The following OR51G2 variants were observed in gnomAD, a reference collection of about 807,000 sequenced individuals.
OR51G2 encodes olfactory receptor family 51 subfamily G member 2.
In OR51G2, 13 loss-of-function variants were observed where a neutral mutation model predicts 11.8. The observed-to-expected ratio is 1.10, with a 90% CI of 0.72 to 1.76. The LOEUF (loss-of-function observed/expected upper bound fraction) is 1.76, where lower values mean the gene tolerates loss of function less well. Among genes scored for constraint, OR51G2 ranks in the 40% most tolerant of loss-of-function variants. The probability of loss-of-function intolerance (pLI) is 0.00; values close to 1 mark genes in which losing one functional copy is unlikely to be tolerated. For synonymous variants in OR51G2, 178 were observed against 151.9 expected, an observed-to-expected ratio of 1.17 and a Z score of -1.26; for missense variants, 474 against 394.4, an observed-to-expected ratio of 1.20 and a Z score of -1.71.
Position 4,915,267 on chromosome 11 carries a change from G to A in OR51G2, c.397C>T (p.His133Tyr). The A allele has an allele frequency of 6.2e-7, 1 of 1,613,964 alleles. No individual in the cohort carries two copies. ...MAFDRFVAIC[H>Y]PLHYVSILTN... is the part of the protein sequence containing the mutation. ...AGAATGGAAACATAGTGCAAGGGGT[G>A]GCAGATAGCCACAAAGCGGTCAAAG... Residue 133 changes from histidine (H) to tyrosine (Y), a missense_variant, in exon 2 of 2, where the codon CAC (histidine) becomes TAC (tyrosine). Coordinates refer to ENST00000641926, the MANE Select transcript of OR51G2 (RefSeq NM_001005238.2).
rs143406644 is a variant in OR51G2 at position 4,915,492 on chromosome 11, G to A, written c.172C>T (p.Arg58Cys). ...CTILFIIKTE[R>C]SLHEPMYLFL... is the part of the protein sequence containing the mutation. ...AGATACATAGGTTCATGAAGTGAGC[G>A]CTCTGTTTTAATGATAAAAAGAATT... Residue 58 changes from arginine (R) to cysteine (C), a missense_variant, in exon 2 of 2, where the codon CGC (arginine) becomes TGC (cysteine). Transcript: ENST00000641926. 61 of 1,614,004 alleles carry A rather than the reference G, an allele frequency of 3.8e-5. 1 individual carries two copies. Among genetic ancestry groups the A allele is most frequent in the African/African-American group, 9.3e-5 (7 of 74,918 alleles).
Position 4,915,426 on chromosome 11 carries a change from G to C in OR51G2, c.238C>G (p.Leu80Val). 1.2e-6 allele frequency: 2 copies of C among 1,614,066 alleles called. No homozygotes were observed. Among genetic ancestry groups the C allele is most frequent in the Non-Finnish European group, 1.7e-6 (2 of 1,180,000 alleles). Reference protein sequence around the residue: ...MLALIDLGLSLCTLPTVLGIF... With the variant: ...MLALIDLGLSVCTLPTVLGIF... ...CCCAGGACTGTAGGGAGAGTGCAAA[G>C]GGAGAGACCCAGGTCAATCAGAGCC... The change falls in exon 2 of 2, where the codon CTT becomes GTT. Residue 80 changes from leucine (L) to valine (V), a missense_variant. Leu to Val is a conservative substitution (Grantham distance 32, BLOSUM62 1). Coordinates refer to ENST00000641926, the MANE Select transcript of OR51G2 (RefSeq NM_001005238.2).
In OR51G2 at chr11:4,915,378, C is replaced by T. The variant is rs12419598; in HGVS notation, c.286G>A (p.Glu96Lys). Reference sequence around the variant, plus strand: ...GCAAAGCAGGCATCATGGCTAATTTCTCGTGCTCCAACCCAAAAGATGCCC... The same window carrying T: ...GCAAAGCAGGCATCATGGCTAATTTTTCGTGCTCCAACCCAAAAGATGCCC... ...VLGIFWVGAR[E>K]ISHDACFAQL... is the part of the protein sequence containing the mutation. Residue 96 changes from glutamate (E) to lysine (K), a missense_variant, in exon 2 of 2, where the codon GAA becomes AAA. By Grantham distance (56) the Glu-to-Lys change is moderately conservative. Transcript: ENST00000641926. 5 of 1,613,788 alleles carry T rather than the reference C, an allele frequency of 3.1e-6. No individual in the cohort carries two copies. The East Asian group carries it at 1.1e-4, about 36-fold the overall frequency.
In OR51G2 at chr11:4,914,380, C is replaced by A; in HGVS notation, c.*339G>T. 2 of 204,730 alleles carry A rather than the reference C, an allele frequency of 9.8e-6. No individual in the cohort carries two copies. The highest frequency in any genetic ancestry group is 9.9e-6 in the Non-Finnish European group (1 of 100,806). 12.7% of individuals were successfully genotyped at this position (204,730 alleles called of 1,614,324 possible). A position where few individuals can be genotyped will look rare whatever the true frequency, so the allele number is the denominator to read the frequency against. Reference sequence around the variant, plus strand: ...AGATACATGGGCTATTTCCACAATACTCAATTCATGAGGCATTTACAAATT... The same window carrying A: ...AGATACATGGGCTATTTCCACAATAATCAATTCATGAGGCATTTACAAATT... On this transcript the variant is annotated 3_prime_UTR_variant, in exon 2 of 2. Coordinates refer to ENST00000641926, the MANE Select transcript of OR51G2 (RefSeq NM_001005238.2).
chr11:4,918,800 C>T (rs1382201888), intron 1 of OR51G2, among the ~76,000 whole-genome samples: 1 of 152,182 alleles, frequency 6.6e-6, no homozygotes. Context: ...TAATAGACCA[C>T]ACTTTGTGAT....
At position 4,914,823 on chromosome 11, in the gene OR51G2, T is replaced by C; in HGVS notation, c.841A>G (p.Met281Val). 3 of 1,613,866 alleles carry C rather than the reference T, an allele frequency of 1.9e-6. No individual in the cohort carries two copies. The highest frequency in any genetic ancestry group is 2.5e-6 in the Non-Finnish European group (3 of 1,179,916). ...GGAAAGAGAAGATACATGAAACCCA[T>C]GACCACCTGGACCAGGTGGGGTGCC... ...KQAPHLVQVV[M>V]GFMYLLFPPV... is the part of the protein sequence containing the mutation. The change falls in exon 2 of 2, where the codon ATG becomes GTG. Residue 281 changes from methionine to valine, a missense_variant. Physicochemically the swap from Met to Val is conservative, Grantham distance 21. Transcript: ENST00000641926.
intron 1 of OR51G2, among the ~76,000 whole-genome samples, chr11:4,917,584 C>A (rs1255082400): frequency 6.6e-6 from 1 of 152,172 alleles, no homozygotes; most frequent in East Asian, 1.9e-4. Flanking sequence ...CACTGTCCAC[C>A]TGAAGATCAT....
chr11:4,912,627 T>A lies in OR51G2; in HGVS notation c.*2092A>T, dbSNP rs539434925. 6.6e-6 allele frequency: 1 copy of A among 152,052 alleles called. No homozygotes were observed. The highest frequency in any genetic ancestry group is 1.5e-5 in the Non-Finnish European group (1 of 68,020). 9.4% of individuals were successfully genotyped at this position (152,052 alleles called of 1,614,324 possible). ...AATACACACAATTCACATATACACA[T>A]TGTAAAAATAAGAAATTCATAATGA... On this transcript the variant is annotated 3_prime_UTR_variant, in exon 2 of 2. Transcript: ENST00000641926.
Position 4,914,657 on chromosome 11 carries a change from TTA to T in OR51G2, c.*60_*61del, listed in dbSNP as rs1418083145. 1.2e-5 allele frequency: 13 copies of T among 1,106,872 alleles called. No individual in the cohort carries two copies. The highest frequency in any genetic ancestry group is 1.7e-5 in the Non-Finnish European group (13 of 762,616). 68.6% of individuals were successfully genotyped at this position (1,106,872 alleles called of 1,614,324 possible). A position where few individuals can be genotyped will look rare whatever the true frequency, so the allele number is the denominator to read the frequency against. ...TCCTTTATTTTATGCATGTTAGAAA[TTA>T]TAAAGGATAGGCAAACAAGGGCACG... On this transcript the variant is annotated 3_prime_UTR_variant, in exon 2 of 2. Coordinates refer to ENST00000641926, the MANE Select transcript of OR51G2 (RefSeq NM_001005238.2).
In OR51G2 at chr11:4,915,689, G is replaced by A; in HGVS notation, c.-26C>T. 23 of 1,554,186 alleles carry A rather than the reference G, an allele frequency of 1.5e-5. No homozygotes were observed. Among genetic ancestry groups the A allele is most frequent in the Non-Finnish European group, 2.0e-5 (23 of 1,138,750 alleles). ...TGTGTGAGGAGACAAGGGGGAAGGTGGGTGCCCTCCAAAATCCTGAAGTAA... is the reference window on the plus strand; with the variant it reads ...TGTGTGAGGAGACAAGGGGGAAGGTAGGTGCCCTCCAAAATCCTGAAGTAA... On this transcript the variant is annotated 5_prime_UTR_variant, in exon 2 of 2. Coordinates refer to ENST00000641926, the MANE Select transcript of OR51G2 (RefSeq NM_001005238.2).
In OR51G2 at chr11:4,915,318, C is replaced by T. The variant is rs764934135; in HGVS notation, c.346G>A (p.Glu116Lys). ...GCCATAGACAGTAGCACAGAGGACT[C>T]GAGGAAGGAGAAGCAGTGAATGAAA... ...LFFIHCFSFL[E>K]SSVLLSMAFD... The change falls in exon 2 of 2, where the codon GAG becomes AAG. Residue 116 changes from glutamate (E) to lysine (K), a missense_variant. Coordinates refer to ENST00000641926, the MANE Select transcript of OR51G2 (RefSeq NM_001005238.2). 1.8e-5 allele frequency: 29 copies of T among 1,613,640 alleles called. No individual in the cohort carries two copies. Among genetic ancestry groups the T allele is most frequent in the South Asian group, 3.3e-5 (3 of 91,044 alleles).
chr11:4,918,225 T>C (rs77915920), intron 1 of OR51G2, among the ~76,000 whole-genome samples: 2,471 of 152,198 alleles, frequency 0.016, 75 homozygotes, highest in African/African-American at 0.056. Context: ...CTCTATAGCT[T>C]CAAGGCACAT....
chr11:4,915,139 GC>G lies in OR51G2; in HGVS notation c.524del (p.Gly175AlafsTer15). The G allele has an allele frequency of 6.2e-7, 1 of 1,614,078 alleles. No individual in the cohort carries two copies. Among genetic ancestry groups the G allele is most frequent in the South Asian group, 1.1e-5 (1 of 91,070 alleles). ...PFMLKRFPYC[G>X]SPVLSHSYCL... ...AATAAGAATGTGAGAGAACTGGGGAGCCACAATAGGGGAATCTTTTGAGCAT... is the reference window on the plus strand; with the variant it reads ...AATAAGAATGTGAGAGAACTGGGGAGCACAATAGGGGAATCTTTTGAGCAT... On this transcript the variant is annotated frameshift_variant, in exon 2 of 2. Transcript: ENST00000641926. LOFTEE classifies it high-confidence loss of function.
chr11:4,918,906 A>G (rs75110976), intron 1 of OR51G2, among the ~76,000 whole-genome samples: 2,133 of 152,300 alleles, frequency 0.014, 55 homozygotes, highest in African/African-American at 0.048. Context: ...AATAACTCCT[A>G]TTCTACTAAC....
At position 4,915,520 on chromosome 11, in the gene OR51G2, G is replaced by T. The variant is rs1212260300; in HGVS notation, c.144C>A (p.Cys48Ter). The change falls in exon 2 of 2, where the codon TGC becomes TGA. Residue 48 changes from cysteine (C) to a stop codon, truncating the protein, a stop_gained. Transcript: ENST00000641926. LOFTEE classifies it high-confidence loss of function. ...FMYLVSIPGN[C>*]TILFIIKTER... ...CTGTTTTAATGATAAAAAGAATTGTGCAGTTGCCCGGGATGGAAACCAGAT... is the reference window on the plus strand; with the variant it reads ...CTGTTTTAATGATAAAAAGAATTGTTCAGTTGCCCGGGATGGAAACCAGAT... 3.7e-6 allele frequency: 6 copies of T among 1,614,010 alleles called. No homozygotes were observed. The Admixed American group carries it at 1.0e-4, about 27-fold the overall frequency.
In OR51G2 at chr11:4,914,218, G is replaced by A. The variant is rs1261167320; in HGVS notation, c.*501C>T. 6.4e-6 allele frequency: 1 copy of A among 156,218 alleles called. No individual in the cohort carries two copies. Among genetic ancestry groups the A allele is most frequent in the Non-Finnish European group, 1.4e-5 (1 of 70,744 alleles). 9.7% of individuals were successfully genotyped at this position (156,218 alleles called of 1,614,324 possible). ...GAGTGAGACCTTGGCTGAGCCTACT[G>A]GATGGAACACCTACATGGGCCTTCT... On this transcript the variant is annotated 3_prime_UTR_variant, in exon 2 of 2. Transcript: ENST00000641926.
rs1429305945 is a variant in OR51G2 at position 4,913,434 on chromosome 11, T to C, written c.*1285A>G. On this transcript the variant is annotated 3_prime_UTR_variant, in exon 2 of 2. Transcript: ENST00000641926. Reference sequence around the variant, plus strand: ...AACATGACATTCTCATGCTTCTCTCTAGGTGTTCGAAGCTCCCCTTGGCAA... The same window carrying C: ...AACATGACATTCTCATGCTTCTCTCCAGGTGTTCGAAGCTCCCCTTGGCAA... 6 of 152,228 alleles carry C rather than the reference T, an allele frequency of 3.9e-5. No homozygotes were observed. The highest frequency in any genetic ancestry group is 3.9e-4 in the Admixed American group (6 of 15,276). The allele number at this position is 152,228 out of a possible 1,614,324, so 9.4% of individuals were successfully genotyped here.
At position 4,915,384 on chromosome 11, in the gene OR51G2, C is replaced by T. The variant is rs1167232961; in HGVS notation, c.280G>A (p.Ala94Thr). Reference protein sequence around the residue: ...PTVLGIFWVGAREISHDACFA... With the variant: ...PTVLGIFWVGTREISHDACFA... ...CAGGCATCATGGCTAATTTCTCGTG[C>T]TCCAACCCAAAAGATGCCCAGGACT... is the stretch of plus-strand genomic sequence containing the variant. Residue 94 changes from alanine (A) to threonine (T), a missense_variant, in exon 2 of 2, where the codon GCA becomes ACA. Physicochemically the swap from Ala to Thr is moderately conservative, Grantham distance 58. Transcript: ENST00000641926. 6.2e-7 allele frequency: 1 copy of T among 1,614,004 alleles called. No homozygotes were observed. Among genetic ancestry groups the T allele is most frequent in the South Asian group, 1.1e-5 (1 of 91,066 alleles).
rs759360612 is a variant in OR51G2, at chr11:4,915,313, G to A, written c.351C>T (p.Ser117=). The change falls in exon 2 of 2, where the codon TCC becomes TCT. Residue 117 remains serine, a synonymous_variant. Coordinates refer to ENST00000641926, the MANE Select transcript of OR51G2 (RefSeq NM_001005238.2). ...CAAAGGCCATAGACAGTAGCACAGAGGACTCGAGGAAGGAGAAGCAGTGAA... is the reference window on the plus strand; with the variant it reads ...CAAAGGCCATAGACAGTAGCACAGAAGACTCGAGGAAGGAGAAGCAGTGAA... ...FFIHCFSFLE[S]SVLLSMAFDR... is the part of the protein sequence containing the mutation. 2.5e-6 allele frequency: 4 copies of A among 1,613,988 alleles called. No individual in the cohort carries two copies. Among genetic ancestry groups the A allele is most frequent in the Non-Finnish European group, 2.5e-6 (3 of 1,179,998 alleles).
Sources: gnomAD v4.1 joint callset for allele counts (sites outside exome capture counted in the v4.1 genomes callset) on GRCh38, gnomAD v4.1.1 for gene constraint, MANE v1.5 for transcripts, NCBI Gene and HGNC (gene_info 2026-07-23, HGNC 2026-07-21) for gene names.